Variants in KCNH5 observed in about 807,000 individuals in gnomAD.
KCNH5 encodes potassium voltage-gated channel subfamily H member 5, also known as voltage-gated delayed rectifier potassium channel KCNH5.
Under a neutral mutation model 96.1 loss-of-function variants are expected in KCNH5, and 46 were observed. That is an observed-to-expected ratio of 0.48 (90% CI 0.38 to 0.61). The LOEUF (loss-of-function observed/expected upper bound fraction) is 0.61, where lower values mean the gene tolerates loss of function less well. Among genes scored for constraint, KCNH5 ranks in the 20% least tolerant of loss-of-function variants. The probability of loss-of-function intolerance (pLI) is 0.00; values close to 1 mark genes in which losing one functional copy is unlikely to be tolerated. For missense variants in KCNH5, 907 were observed against 1,225.8 expected (o/e 0.74, Z 3.88); for synonymous variants, 439 against 449.8 (o/e 0.98, Z 0.30).
chr14:62,849,998 A>G (rs1887772905), intron 7 of KCNH5, 146 bp from the exon 8 acceptor site: 2 of 642,760 alleles, frequency 3.1e-6, no homozygotes, highest in African/African-American at 3.6e-5. Flanking sequence ...AGACTGCCTG[A>G]CACCTGGTAT....
intron 10 of KCNH5, among the ~76,000 whole-genome samples, chr14:62,714,576 A>G (rs982858405): frequency 2.0e-5 from 3 of 152,216 alleles, no homozygotes; most frequent in Admixed American, 2.0e-4. Flanking sequence ...TAATTTATAT[A>G]GCTTAATTTT....
intron 7 of KCNH5, among the ~76,000 whole-genome samples, chr14:62,906,437 T>C (rs1889029298): frequency 6.6e-6 from 1 of 152,220 alleles, no homozygotes. Context: ...GCTCATTCTG[T>C]AACAAAATCC....
At chr14:62,972,428 G>C (rs1566726653) in intron 6 of KCNH5, among the ~76,000 whole-genome samples, 1 of 152,196 alleles carries the variant, frequency 6.6e-6, no homozygotes, top group African/African-American at 2.4e-5. Flanking sequence ...TGCCACTTTG[G>C]AAAACAGACA....
rs113388549 is a variant in KCNH5 at position 62,712,361 on chromosome 14, G to A, written c.2020-3906C>T. On this transcript the variant is annotated intron_variant, in intron 10 of 10. Coordinates refer to ENST00000322893, the MANE Select transcript of KCNH5 (RefSeq NM_139318.5). ...TAGCAAAGTGGTCACTTCCACACAC[G>A]TATTTTCTCATTTAAGTGTCATGGA... 4.4e-3 allele frequency: 1,671 copies of A among 383,950 alleles called. 27 individuals carry two copies. Among genetic ancestry groups the A allele is most frequent in the African/African-American group, 0.03 (1,516 of 50,266 alleles). The allele number at this position is 383,950 out of a possible 1,614,324, so 23.8% of individuals were successfully genotyped here.
intron 3 of KCNH5, among the ~76,000 whole-genome samples, chr14:63,004,785 G>A (rs1340748275): frequency 6.6e-6 from 1 of 151,780 alleles, no homozygotes; most frequent in Non-Finnish European, 1.5e-5. Context: ...TTTTTTCATA[G>A]AGGCAGGGTC....
intron 7 of KCNH5, among the ~76,000 whole-genome samples, chr14:62,907,336 C>T (rs1049684409): frequency 9.2e-5 from 14 of 152,146 alleles, no homozygotes; most frequent in Non-Finnish European, 1.6e-4. Flanking sequence ...AGATCTAGCC[C>T]ATTACTCTCC....
At chr14:63,024,902 T>A (rs1414818747) in intron 1 of KCNH5, among the ~76,000 whole-genome samples, 6 of 152,224 alleles carry the variant, frequency 3.9e-5, no homozygotes, top group African/African-American at 1.2e-4. Flanking sequence ...GAGGCCAGCA[T>A]TACCCTGATA....
At chr14:63,021,367 G>A (rs75322783) in intron 1 of KCNH5, among the ~76,000 whole-genome samples, 9,593 of 152,094 alleles carry the variant, frequency 0.063, 406 homozygotes, top group East Asian at 0.2. Context: ...GTTTCCCATT[G>A]TTCCTAAAGT....
intron 10 of KCNH5, among the ~76,000 whole-genome samples, chr14:62,709,468 C>G (rs1884524010): frequency 6.6e-6 from 1 of 152,074 alleles, no homozygotes; most frequent in African/African-American, 2.4e-5. Context: ...AAACTGCTCT[C>G]TATTGAATAA....
chr14:62,839,704 T>C (rs1195355938), intron 8 of KCNH5, among the ~76,000 whole-genome samples: 2 of 152,206 alleles, frequency 1.3e-5, no homozygotes, highest in Non-Finnish European at 2.9e-5. Flanking sequence ...TTAATATTAT[T>C]AATTTATTTA....
intron 7 of KCNH5, among the ~76,000 whole-genome samples, chr14:62,929,144 G>A (rs1889531839): frequency 6.6e-6 from 1 of 151,926 alleles, no homozygotes; most frequent in Non-Finnish European, 1.5e-5. Context: ...ATCCTTAAGA[G>A]ATATATAAAC....
chr14:63,037,777 G>A (rs1225807633), intron 1 of KCNH5, among the ~76,000 whole-genome samples: 2 of 152,130 alleles, frequency 1.3e-5, no homozygotes, highest in African/African-American at 4.8e-5. Flanking sequence ...ATACTGCACA[G>A]GGCTGTAAGC....
intron 10 of KCNH5, among the ~76,000 whole-genome samples, chr14:62,733,698 G>A (rs192533627): frequency 1.2e-4 from 18 of 152,128 alleles, no homozygotes; most frequent in Middle Eastern, 3.4e-3. Context: ...ACACTCTGTG[G>A]CCCACAGTCC....
chr14:63,033,246 C>G (rs1594685163), intron 1 of KCNH5, among the ~76,000 whole-genome samples: 1 of 152,204 alleles, frequency 6.6e-6, no homozygotes, highest in East Asian at 1.9e-4. Context: ...CCTGAACAGC[C>G]AGGCCCCTAA....
At chr14:62,892,402 ACCAGAGATTGGT>A (rs1319385877) in intron 7 of KCNH5, among the ~76,000 whole-genome samples, 2 of 152,226 alleles carry the variant, frequency 1.3e-5, no homozygotes, top group African/African-American at 4.8e-5. Context: ...GTTGCAAGCT[ACCAGAGATTGGT>A]CCAGAGGTTT....
chr14:62,714,642 C>A (rs187755462), intron 10 of KCNH5, among the ~76,000 whole-genome samples: 1 of 151,926 alleles, frequency 6.6e-6, no homozygotes, highest in Admixed American at 6.6e-5. Context: ...TTTTTTTAAA[C>A]CATGAAGAAA....
intron 7 of KCNH5, among the ~76,000 whole-genome samples, chr14:62,866,657 C>T (rs1328846748): frequency 6.6e-6 from 1 of 152,170 alleles, no homozygotes; most frequent in Non-Finnish European, 1.5e-5. Flanking sequence ...CTGAGGCTGA[C>T]AGCTGTCATT....
chr14:63,023,133 G>A (rs1216968917), intron 1 of KCNH5, among the ~76,000 whole-genome samples: 1 of 151,900 alleles, frequency 6.6e-6, no homozygotes, highest in Non-Finnish European at 1.5e-5. Flanking sequence ...AACATGGGAG[G>A]TGGAGGTTAC....
rs12588427 is a variant in KCNH5 at position 62,802,599 on chromosome 14, T to C, written c.1570-18A>G. The C allele has an allele frequency of 0.43, 683,970 of 1,607,448 alleles. 150,789 individuals are homozygous for C. The highest frequency in any genetic ancestry group is 0.68 in the East Asian group (30,213 of 44,678). On this transcript the variant is annotated intron_variant, in intron 8 of 10. Transcript: ENST00000322893. The stretch of plus-strand genomic sequence containing the variant: ...GAGAGGACCTAAAGAAGGTGAGAGA[T>C]GAATAAGTGAAAAGGAAAGAGGAAG...
Sources: gnomAD v4.1 joint callset for allele counts (sites outside exome capture counted in the v4.1 genomes callset) on GRCh38, gnomAD v4.1.1 for gene constraint, MANE v1.5 for transcripts, NCBI Gene and HGNC (gene_info 2026-07-23, HGNC 2026-07-21) for gene names.